LRRC75A: variants seen among roughly 807,000 people sequenced by gnomAD.
LRRC75A encodes leucine rich repeat containing 75A, also known as leucine-rich repeat-containing protein 75A.
A neutral mutation model predicts 26.0 loss-of-function variants in LRRC75A; 12 were observed. That is an observed-to-expected ratio of 0.46 (90% confidence interval 0.30 to 0.75). LRRC75A has a LOEUF of 0.75. LRRC75A is among the 30% of genes least tolerant of loss of function. LRRC75A has a pLI of 0.08. For synonymous variants in LRRC75A, 223 were observed against 219.3 expected, an observed-to-expected ratio of 1.02 and a Z score of -0.15; for missense variants, 410 against 486.6, an observed-to-expected ratio of 0.84 and a Z score of 1.48.
Position 16,491,744 on chromosome 17 carries a change from C to G in LRRC75A, c.246+1G>C. ...CCCCCGCGCCCCCTCCCCGCGCTCA[C>G]CTGGCGCAGGTGCTGCAGCAGCGTC... On this transcript the variant is annotated splice_donor_variant, in intron 1 of 3. Coordinates refer to ENST00000470794, the MANE Select transcript of LRRC75A (RefSeq NM_001113567.3). LOFTEE classifies it high-confidence loss of function. This position sits in a 1 kb window ranked among gnomAD's most constrained non-coding sequence, Gnocchi z 5.9. 7.2e-7 allele frequency: 1 copy of G among 1,387,890 alleles called. No homozygotes were observed. The highest frequency in any genetic ancestry group is 9.3e-7 in the Non-Finnish European group (1 of 1,070,742). The allele number at this position is 1,387,890 out of a possible 1,614,324, so 86.0% of individuals were successfully genotyped here.
At chr17:16,483,029 G>A (rs1230024701) in intron 1 of LRRC75A, among the ~76,000 whole-genome samples, 1 of 152,190 alleles carries the variant, frequency 6.6e-6, no homozygotes, top group Non-Finnish European at 1.5e-5. Flanking sequence ...GCCCCTCAGA[G>A]AAGGAAGCCA....
At chr17:16,450,234 A>T (rs1323632042) in intron 2 of LRRC75A, among the ~76,000 whole-genome samples, 1 of 152,182 alleles carries the variant, frequency 6.6e-6, no homozygotes, top group Non-Finnish European at 1.5e-5. Flanking sequence ...AGGGCTGGGG[A>T]TGGGCTTGGG....
At chr17:16,471,353 G>T (rs769504302) in intron 1 of LRRC75A, among the ~76,000 whole-genome samples, 1 of 152,210 alleles carries the variant, frequency 6.6e-6, no homozygotes, top group Non-Finnish European at 1.5e-5. Context: ...TGTTTCGGTT[G>T]GTCCAAGTCA....
chr17:16,467,390 CAA>C, intron 1 of LRRC75A, among the ~76,000 whole-genome samples: 1 of 152,244 alleles, frequency 6.6e-6, no homozygotes, highest in East Asian at 1.9e-4. Context: ...CACGTGTGTG[CAA>C]GGTAATGGCA....
chr17:16,443,916 G>A lies in LRRC75A; in HGVS notation c.707C>T (p.Ala236Val). Residue 236 changes from alanine (A) to valine (V), a missense_variant, in exon 4 of 4, where the codon GCA (alanine) becomes GTA (valine). Physicochemically the swap from Ala to Val is moderately conservative, Grantham distance 64 (BLOSUM62 0). Coordinates refer to ENST00000470794, the MANE Select transcript of LRRC75A (RefSeq NM_001113567.3). The stretch of plus-strand genomic sequence containing the variant: ...CCGGGTCAACCGGTTGCCATTGAGT[G>A]CCAGTGTGGTGAGGCGGGGCAGGGT... The part of the protein sequence containing the change: ...LSTLPRLTTL[A>V]LNGNRLTRAV... 6.2e-7 allele frequency: 1 copy of A among 1,613,662 alleles called. No individual in the cohort carries two copies. Among genetic ancestry groups the A allele is most frequent in the Non-Finnish European group, 8.5e-7 (1 of 1,179,754 alleles).
At position 16,458,134 on chromosome 17, in the gene LRRC75A, G is replaced by A. The variant is rs142147091; in HGVS notation, c.375+4124C>T. Among the ~76,000 whole-genome samples the A allele has an allele frequency of 5.5e-3, 840 of 152,156 alleles. 5 individuals are homozygous for A. The highest frequency in any genetic ancestry group is 0.019 in the African/African-American group (789 of 41,526). On this transcript the variant is annotated intron_variant, in intron 2 of 3. Coordinates refer to ENST00000470794, the MANE Select transcript of LRRC75A (RefSeq NM_001113567.3). ...AGGCTGGCCAACATGGTGAAACCCC[G>A]TCTCTACTAAAAATACAAAACATTA...
intron 3 of LRRC75A, among the ~76,000 whole-genome samples, chr17:16,444,697 G>A (rs1056887968): frequency 6.6e-6 from 1 of 151,876 alleles, no homozygotes; most frequent in Non-Finnish European, 1.5e-5. Flanking sequence ...GAGGCTGAGT[G>A]CCTTGCTCCT....
intron 1 of LRRC75A, chr17:16,470,539 G>A (rs2093802049): frequency 6.6e-6 from 1 of 152,260 alleles, no homozygotes; most frequent in Admixed American, 6.5e-5. Context: ...GAACATCACT[G>A]GCAGCCACTG....
At chr17:16,448,080 T>C (rs2093601660) in intron 2 of LRRC75A, 120 bp from the exon 3 acceptor site, 2 of 883,734 alleles carry the variant, frequency 2.3e-6, no homozygotes, top group Non-Finnish European at 3.6e-6. Flanking sequence ...GGGGAGGCCC[T>C]GCTCTGCTGG....
intron 2 of LRRC75A, among the ~76,000 whole-genome samples, chr17:16,451,745 CT>C (rs776667196): frequency 5.3e-5 from 8 of 151,420 alleles, no homozygotes; most frequent in South Asian, 4.2e-4. Context: ...CTCAGGGGAG[CT>C]TTTTTTTCTT....
At chr17:16,456,130 G>GGAGGAGGAGGAAGAGGAGGGA (rs2093676376) in intron 2 of LRRC75A, among the ~76,000 whole-genome samples, 3 of 144,932 alleles carry the variant, frequency 2.1e-5, no homozygotes, top group Non-Finnish European at 3.0e-5. Context: ...AGCAGTAGTA[G>GGAGGAGGAGGAAGAGGAGGGA]GAGGAGGAGG....
At chr17:16,460,407 TGTCTCACAGG>T (rs2093718766) in intron 2 of LRRC75A, among the ~76,000 whole-genome samples, 1 of 152,140 alleles carries the variant, frequency 6.6e-6, no homozygotes, top group South Asian at 2.1e-4. Flanking sequence ...TGCCTGGTCC[TGTCTCACAGG>T]GTCTCACAGT....
At chr17:16,449,132 T>C (rs2093610585) in intron 2 of LRRC75A, among the ~76,000 whole-genome samples, 1 of 152,104 alleles carries the variant, frequency 6.6e-6, no homozygotes, top group South Asian at 2.1e-4. Flanking sequence ...TGGACTCAGA[T>C]GCAAACCCAC....
At position 16,441,748 on chromosome 17, in the gene LRRC75A, G is replaced by A. The variant is rs1355614444; in HGVS notation, c.*1840C>T. The A allele has an allele frequency of 4.2e-6, 1 of 237,584 alleles. No homozygotes were observed. Among genetic ancestry groups the A allele is most frequent in the East Asian group, 1.1e-4 (1 of 8,994 alleles). The allele number at this position is 237,584 out of a possible 1,614,324, so 14.7% of individuals were successfully genotyped here. ...CTAAAATTTTTTTTTTGTTGAGACG[G>A]ATTCTCTATGTTGCCCAGGCTGGTC... On this transcript the variant is annotated 3_prime_UTR_variant, in exon 4 of 4. Transcript: ENST00000470794.
At chr17:16,450,036 G>T (rs979795714) in intron 2 of LRRC75A, among the ~76,000 whole-genome samples, 1 of 152,210 alleles carries the variant, frequency 6.6e-6, no homozygotes, top group South Asian at 2.1e-4. Context: ...GCGGCTGTGG[G>T]GTGTGTTACT....
At chr17:16,461,898 ACAACT>A (rs1568968522) in intron 2 of LRRC75A, among the ~76,000 whole-genome samples, 1 of 151,578 alleles carries the variant, frequency 6.6e-6, no homozygotes, top group African/African-American at 2.4e-5. Flanking sequence ...TACAACCTGT[ACAACT>A]GTATGTGGTG....
intron 2 of LRRC75A, among the ~76,000 whole-genome samples, chr17:16,458,612 T>C (rs1324915161): frequency 6.6e-6 from 1 of 151,990 alleles, no homozygotes; most frequent in Admixed American, 6.6e-5. Context: ...ATTATAGGCA[T>C]GCGCCACCAC....
intron 1 of LRRC75A, among the ~76,000 whole-genome samples, chr17:16,469,928 G>A (rs2093797611): frequency 1.3e-5 from 2 of 152,244 alleles, no homozygotes; most frequent in South Asian, 4.1e-4. Context: ...AGGACCAGTT[G>A]CCTGGCTTTC....
At chr17:16,465,437 C>T (rs2093760268) in intron 1 of LRRC75A, among the ~76,000 whole-genome samples, 1 of 152,214 alleles carries the variant, frequency 6.6e-6, no homozygotes, top group Non-Finnish European at 1.5e-5. Context: ...GGCTGACGGT[C>T]AGGGGCTGCG....
Sources: gnomAD v4.1 joint callset for allele counts (sites outside exome capture counted in the v4.1 genomes callset) on GRCh38, gnomAD v4.1.1 for gene constraint, Gnocchi (gnomAD v3.1) non-coding constraint, MANE v1.5 for transcripts, NCBI Gene and HGNC (gene_info 2026-07-23, HGNC 2026-07-21) for gene names.